RUNX1: variants seen among roughly 807,000 people sequenced by gnomAD.
RUNX1 encodes the protein runt-related transcription factor 1.
Under a neutral mutation model 42.8 loss-of-function variants are expected in RUNX1, and 19 were observed. The ratio of observed to expected loss-of-function variants is 0.44; its 90% CI spans 0.31 to 0.65. The LOEUF (loss-of-function observed/expected upper bound fraction) is 0.65. RUNX1 is among the 30% of genes least tolerant of loss of function. The pLI, the probability that RUNX1 is intolerant of heterozygous loss-of-function variation, is 0.07. For missense variants in RUNX1, 528 were observed against 672.0 expected (o/e 0.79, Z 2.37); for synonymous variants, 271 against 289.4 (o/e 0.94, Z 0.64).
At chr21:34,979,509 T>C (rs2058830776) in intron 2 of RUNX1, among the ~76,000 whole-genome samples, 1 of 152,236 alleles carries the variant, frequency 6.6e-6, no homozygotes, top group Admixed American at 6.5e-5. Flanking sequence ...TACAGTCTCA[T>C]TCAGGAAGAC....
chr21:35,047,324 G>A (rs1449247655), intron 2 of RUNX1, among the ~76,000 whole-genome samples: 1 of 151,862 alleles, frequency 6.6e-6, no homozygotes, highest in African/African-American at 2.4e-5. Context: ...ACCAGTGGCC[G>A]GTGTCTCTGT....
intron 2 of RUNX1, among the ~76,000 whole-genome samples, chr21:35,043,933 T>TA (rs2059378391): frequency 6.6e-6 from 1 of 152,184 alleles, no homozygotes; most frequent in Admixed American, 6.5e-5. Context: ...GCCTTTTCCT[T>TA]AAGAAGAGCC....
rs1164808849 is a variant in RUNX1, at chr21:35,049,026, T to C, written c.-59-68A>G. 3.7e-6 allele frequency: 3 copies of C among 806,728 alleles called. No individual in the cohort carries two copies. In the Admixed American group the frequency reaches 5.1e-5, roughly 14 times the overall value. 50.0% of individuals were successfully genotyped at this position (806,728 alleles called of 1,614,324 possible). On this transcript the variant is annotated intron_variant, in intron 1 of 8. Coordinates refer to ENST00000675419, the MANE Select transcript of RUNX1 (RefSeq NM_001754.5). ...CCCTCTAGCCCTACATCTCTCTTTC[T>C]TCTCCCCTCTGCTGGATACCTCTGG...
chr21:34,921,241 T>C (rs984226407), intron 2 of RUNX1, among the ~76,000 whole-genome samples: 18 of 152,186 alleles, frequency 1.2e-4, no homozygotes, highest in African/African-American at 4.3e-4. Flanking sequence ...CAGAACATTT[T>C]TGTCTTCCCA....
At chr21:34,983,568 A>G (rs1382677414) in intron 2 of RUNX1, among the ~76,000 whole-genome samples, 1 of 152,232 alleles carries the variant, frequency 6.6e-6, no homozygotes, top group Non-Finnish European at 1.5e-5. Flanking sequence ...ATCTAAGACA[A>G]TCTCTTTTGT....
At chr21:34,860,536 T>C (rs1236621423) in intron 5 of RUNX1, among the ~76,000 whole-genome samples, 5 of 151,856 alleles carry the variant, frequency 3.3e-5, no homozygotes, top group Non-Finnish European at 7.4e-5. Context: ...TGTGCGTGTG[T>C]GTGTGTGTGT....
At chr21:34,822,643 G>A (rs949221730) in intron 7 of RUNX1, among the ~76,000 whole-genome samples, 1 of 152,202 alleles carries the variant, frequency 6.6e-6, no homozygotes, top group African/African-American at 2.4e-5. Context: ...AAGTATAGAT[G>A]AAGATTAACC....
chr21:34,823,000 G>T (rs2056930826), intron 7 of RUNX1, among the ~76,000 whole-genome samples: 2 of 152,238 alleles, frequency 1.3e-5, no homozygotes, highest in African/African-American at 4.8e-5. Context: ...GATATAAAGA[G>T]GAACTGGCAC....
intron 2 of RUNX1, among the ~76,000 whole-genome samples, chr21:35,007,789 A>T (rs1269173800): frequency 6.6e-6 from 1 of 151,904 alleles, no homozygotes; most frequent in East Asian, 1.9e-4. Context: ...CTCCAAGCTG[A>T]TCAGCTTACT....
chr21:34,843,071 AAAAAC>A lies in RUNX1; in HGVS notation c.614-8475_614-8471del, dbSNP rs549398616. ...AGCGACAGAGCGAGACTCTGTCTCA[AAAAAC>A]AAAACAAAACAAAATATAGATACAC... On this transcript the variant is annotated intron_variant, in intron 6 of 8. Transcript: ENST00000675419. The surrounding 1 kb of genome is among the most constrained non-coding windows in gnomAD (Gnocchi z 4.8). 2.3e-3 allele frequency among the ~76,000 whole-genome samples: 351 copies of A among 152,318 alleles called. 1 individual carries two copies. The highest frequency in any genetic ancestry group is 3.2e-3 in the Admixed American group (49 of 15,308).
chr21:34,892,163 T>C (rs2058087876), intron 3 of RUNX1, among the ~76,000 whole-genome samples: 1 of 152,218 alleles, frequency 6.6e-6, no homozygotes, highest in Non-Finnish European at 1.5e-5. Flanking sequence ...AAAAATAGAA[T>C]GTATCTTGCT....
intron 2 of RUNX1, among the ~76,000 whole-genome samples, chr21:34,894,843 A>C (rs1476866902): frequency 6.7e-6 from 1 of 149,436 alleles, no homozygotes; most frequent in Middle Eastern, 3.4e-3. Context: ...AGTTCAGGTA[A>C]CTTGCCCAAA....
chr21:34,889,181 C>T (rs2058044320), intron 3 of RUNX1, among the ~76,000 whole-genome samples: 1 of 151,758 alleles, frequency 6.6e-6, no homozygotes, highest in Non-Finnish European at 1.5e-5. Context: ...GGCCCCAGAT[C>T]CTGCGCGGCC....
At chr21:34,836,742 T>A (rs1009645230) in intron 6 of RUNX1, among the ~76,000 whole-genome samples, 1 of 152,198 alleles carries the variant, frequency 6.6e-6, no homozygotes, top group East Asian at 1.9e-4. Context: ...AGGCACTTAG[T>A]GGCATTTTTG....
At position 34,993,586 on chromosome 21, in the gene RUNX1, GAC is replaced by G. The variant is rs987795440; in HGVS notation, c.58+55254_58+55255del. Among the ~76,000 whole-genome samples the G allele has an allele frequency of 5.2e-3, 312 of 59,838 alleles. 3 individuals carry two copies. Among genetic ancestry groups the G allele is most frequent in the Middle Eastern group, 0.013 (1 of 76 alleles). The allele number at this position is 59,838 out of a possible 152,430, so 39.3% of individuals were successfully genotyped here. A position where few individuals can be genotyped will look rare whatever the true frequency, so the allele number is the denominator to read the frequency against. The stretch of plus-strand genomic sequence containing the variant: ...ACAGACACACACAGGCACACACACA[GAC>G]ACACACACACAGGCACACACAGGCA... On this transcript the variant is annotated intron_variant, in intron 2 of 8. Coordinates refer to ENST00000675419, the MANE Select transcript of RUNX1 (RefSeq NM_001754.5).
intron 2 of RUNX1, among the ~76,000 whole-genome samples, chr21:34,895,282 T>A (rs181817088): frequency 2.0e-5 from 3 of 152,350 alleles, no homozygotes; most frequent in Admixed American, 1.3e-4. Context: ...AGGACTTTCC[T>A]AGATACAAGG....
chr21:34,932,314 A>G (rs1413307150), intron 2 of RUNX1, among the ~76,000 whole-genome samples: 1 of 152,166 alleles, frequency 6.6e-6, no homozygotes, highest in Non-Finnish European at 1.5e-5. Flanking sequence ...GGTTTTGAGG[A>G]AAAGAGGACA....
chr21:34,894,765 CT>C (rs1044062052), intron 2 of RUNX1, among the ~76,000 whole-genome samples: 1 of 151,928 alleles, frequency 6.6e-6, no homozygotes, highest in Non-Finnish European at 1.5e-5. Flanking sequence ...TATACTTTGC[CT>C]GATTTAATCC....
chr21:34,810,055 T>A (rs1373327489), intron 7 of RUNX1, among the ~76,000 whole-genome samples: 1 of 152,224 alleles, frequency 6.6e-6, no homozygotes, highest in Admixed American at 6.5e-5. Context: ...CCAAGTGCTG[T>A]CCCTGAGCCA....
Sources: allele counts gnomAD v4.1 joint callset (sites outside exome capture counted in the v4.1 genomes callset), GRCh38; gene constraint gnomAD v4.1.1; non-coding constraint Gnocchi (gnomAD v3.1); transcripts MANE v1.5; gene names NCBI Gene and HGNC (gene_info 2026-07-23, HGNC 2026-07-21).